The following NDST1 variants were observed in gnomAD, a reference collection of about 807,000 sequenced individuals.
NDST1 encodes the protein bifunctional heparan sulfate N-deacetylase/N-sulfotransferase 1.
A neutral mutation model predicts 92.8 loss-of-function variants in NDST1; 35 were observed. The ratio of observed to expected loss-of-function variants is 0.38; its 90% confidence interval spans 0.29 to 0.50. NDST1 has a LOEUF of 0.50. Among genes scored for constraint, NDST1 ranks in the 20% least tolerant of loss-of-function variants. The pLI is 0.94. For synonymous variants in NDST1, 493 were observed against 500.3 expected (o/e 0.99, Z 0.19); for missense variants, 822 against 1,182.7 (o/e 0.69, Z 4.47).
At position 150,524,938 on chromosome 5, in the gene NDST1, CTTG is replaced by C. The variant is rs564405709; in HGVS notation, c.514-2860_514-2858del. Among the ~76,000 whole-genome samples the C allele has an allele frequency of 8.7e-4, 132 of 152,324 alleles. 2 individuals are homozygous for C. The South Asian group carries it at 0.017, about 20-fold the overall frequency. ...ATAGAGCCAAGATCTGACAGTCAAG[CTTG>C]TTGTTTCTAACCCAGCCACAGGAGC... On this transcript the variant is annotated intron_variant, in intron 2 of 14. Transcript: ENST00000261797.
At chr5:150,508,397 A>T (rs1462345234) in intron 1 of NDST1, among the ~76,000 whole-genome samples, 171 bp downstream of exon 1, 1 of 151,912 alleles carries the variant, frequency 6.6e-6, no homozygotes, top group Non-Finnish European at 1.5e-5. Context: ...TGAGCCTGGC[A>T]CTGGGTCCTG....
At chr5:150,523,028 G>A (rs777454550) in intron 2 of NDST1, among the ~76,000 whole-genome samples, 8 of 152,186 alleles carry the variant, frequency 5.3e-5, no homozygotes, top group African/African-American at 1.2e-4. Flanking sequence ...GTGCACTTGC[G>A]CACTGGGCCC....
intron 12 of NDST1, among the ~76,000 whole-genome samples, chr5:150,549,302 G>A (rs569040596): frequency 6.6e-6 from 1 of 152,290 alleles, no homozygotes; most frequent in Non-Finnish European, 1.5e-5. Context: ...GTGAGCCACC[G>A]TGCCCGGCCA....
chr5:150,512,085 C>G (rs1403380299), intron 1 of NDST1, among the ~76,000 whole-genome samples: 1 of 152,102 alleles, frequency 6.6e-6, no homozygotes, highest in African/African-American at 2.4e-5. Context: ...TGCTCAGGTC[C>G]CTGCCCAAGT....
chr5:150,531,370 C>T (rs925420984), intron 3 of NDST1, among the ~76,000 whole-genome samples: 5 of 152,162 alleles, frequency 3.3e-5, no homozygotes, highest in Non-Finnish European at 5.9e-5. Context: ...GGAGCATGCA[C>T]GTCCACCAGG....
Position 150,508,763 on chromosome 5 carries a change from TG to T in NDST1, c.-388+542del, listed in dbSNP as rs527734982. ...TCCATGTTCTTAACTTGGCTTTTGA[TG>T]GGGGCCAGTCACAACCACTCTGAAT... On this transcript the variant is annotated intron_variant, in intron 1 of 14. Transcript: ENST00000261797. Among the ~76,000 whole-genome samples the T allele has an allele frequency of 2.0e-5, 3 of 152,204 alleles. No homozygotes were observed. In the South Asian group the frequency reaches 6.2e-4, roughly 32 times the overall value.
chr5:150,532,251 G>A (rs138062842), intron 3 of NDST1, among the ~76,000 whole-genome samples: 4 of 152,128 alleles, frequency 2.6e-5, no homozygotes, highest in Admixed American at 6.5e-5. Flanking sequence ...GCATACATGC[G>A]GTTATCTTAC....
At chr5:150,505,474 T>G (rs1753410002), upstream of NDST1, among the ~76,000 whole-genome samples, 1 of 152,190 alleles carries the variant, frequency 6.6e-6, no homozygotes, top group Non-Finnish European at 1.5e-5. Flanking sequence ...TTGCTTAATC[T>G]CTGTGGACCT....
intron 6 of NDST1, among the ~76,000 whole-genome samples, chr5:150,536,324 A>G (rs924247754): frequency 6.6e-6 from 1 of 151,762 alleles, no homozygotes. Context: ...CATCTCTACT[A>G]AAAAAGTACT....
At chr5:150,541,185 A>G (rs1755231001) in intron 8 of NDST1, among the ~76,000 whole-genome samples, 1 of 152,246 alleles carries the variant, frequency 6.6e-6, no homozygotes, top group African/African-American at 2.4e-5. Context: ...ATGACGGCAG[A>G]GTCGAGTAGT....
chr5:150,536,246 G>T (rs2151289559), intron 6 of NDST1, among the ~76,000 whole-genome samples: 1 of 152,256 alleles, frequency 6.6e-6, no homozygotes, highest in South Asian at 2.1e-4. Context: ...AGCACTTTGG[G>T]AGGCCAAGGC....
At chr5:150,544,429 G>C (rs1755390189) in intron 10 of NDST1, among the ~76,000 whole-genome samples, 1 of 152,222 alleles carries the variant, frequency 6.6e-6, no homozygotes, top group South Asian at 2.1e-4. Context: ...AGAAAGATGA[G>C]AGAAGACGTA....
chr5:150,534,258 G>A (rs1472137063), intron 4 of NDST1, among the ~76,000 whole-genome samples: 1 of 151,768 alleles, frequency 6.6e-6, no homozygotes, highest in African/African-American at 2.4e-5. Flanking sequence ...CACTATGCCT[G>A]GCTATTAATA....
intron 1 of NDST1, among the ~76,000 whole-genome samples, chr5:150,514,605 C>T (rs1241052377): frequency 6.6e-6 from 1 of 150,550 alleles, no homozygotes; most frequent in African/African-American, 2.5e-5. Flanking sequence ...GTGCCAGGCT[C>T]ATAGTATGGC....
intron 3 of NDST1, among the ~76,000 whole-genome samples, chr5:150,529,345 CTG>C (rs967279596): frequency 1.5e-5 from 2 of 137,780 alleles, no homozygotes; most frequent in Admixed American, 8.4e-5. Flanking sequence ...TGAGCCATGA[CTG>C]TGCATGGCAT....
intron 1 of NDST1, among the ~76,000 whole-genome samples, chr5:150,510,891 CAGAA>C (rs1336622352): frequency 6.6e-6 from 1 of 152,172 alleles, no homozygotes; most frequent in Non-Finnish European, 1.5e-5. Context: ...CAAACACAGA[CAGAA>C]AACTATTGAA....
intron 1 of NDST1, among the ~76,000 whole-genome samples, chr5:150,516,924 C>T (rs1206112627): frequency 6.6e-6 from 1 of 151,634 alleles, no homozygotes; most frequent in Non-Finnish European, 1.5e-5. Context: ...CCTCGGCCTC[C>T]CAAAGTGCTG....
intron 9 of NDST1, 83 bp downstream of exon 9, chr5:150,541,749 C>T (rs755912435): frequency 1.2e-4 from 153 of 1,282,334 alleles, no homozygotes; most frequent in Admixed American, 3.1e-4. Flanking sequence ...TTGCCCTGGC[C>T]CCACTCCCGG....
At chr5:150,503,978 T>C (rs1209335954), upstream of NDST1, among the ~76,000 whole-genome samples, 1 of 151,930 alleles carries the variant, frequency 6.6e-6, no homozygotes, top group South Asian at 2.1e-4. Context: ...GATCCTGGAG[T>C]GGCAGTCCAC....
Sources: gnomAD v4.1 joint callset for allele counts (sites outside exome capture counted in the v4.1 genomes callset) on GRCh38, gnomAD v4.1.1 for gene constraint, MANE v1.5 for transcripts, NCBI Gene and HGNC (gene_info 2026-07-23, HGNC 2026-07-21) for gene names.